RAB27B: variants seen among roughly 807,000 people sequenced by gnomAD.
The protein encoded by RAB27B is RAB27B, member RAS oncogene family.
In RAB27B, 15 loss-of-function variants were observed where a neutral mutation model predicts 24.6. That is an observed-to-expected ratio of 0.61 (90% CI 0.41 to 0.94). The LOEUF (loss-of-function observed/expected upper bound fraction) is 0.94, where lower values mean the gene tolerates loss of function less well. Ranked by LOEUF, RAB27B falls within the 40% of genes least tolerant of loss-of-function variation. RAB27B has a pLI of 0.00. For synonymous variants in RAB27B, 105 were observed against 92.5 expected (o/e 1.14, Z -0.78); for missense variants, 261 against 266.8 (o/e 0.98, Z 0.15).
chr18:54,850,333 G>GACATATATATATATATATATATAT lies in RAB27B; in HGVS notation c.-20+21634_-20+21635insCATATATATATATATATATATATA, dbSNP rs869079784. ...TATTTATTTAAAAGCAAACAAACAG[G>GACATATATATATATATATATATAT]ATATATATATATATATATATATATA... On this transcript the variant is annotated intron_variant, in intron 1 of 5. Transcript: ENST00000262094. 3.3e-3 allele frequency among the ~76,000 whole-genome samples: 315 copies of GACATATATATATATATATATATAT among 95,116 alleles called. 23 individuals are homozygous for GACATATATATATATATATATATAT. Among genetic ancestry groups the GACATATATATATATATATATATAT allele is most frequent in the South Asian group, 7.3e-3 (16 of 2,204 alleles). 62.4% of individuals were successfully genotyped at this position (95,116 alleles called of 152,430 possible).
At chr18:54,805,936 G>GT (rs1310493234) in intron 2 of RAB27B, among the ~76,000 whole-genome samples, 1 of 151,888 alleles carries the variant, frequency 6.6e-6, no homozygotes, top group African/African-American at 2.4e-5. Context: ...TTGATTACTC[G>GT]TAAGTTGAGA....
At chr18:54,860,405 A>G (rs1362142045) in intron 1 of RAB27B, among the ~76,000 whole-genome samples, 4 of 151,838 alleles carry the variant, frequency 2.6e-5, no homozygotes, top group African/African-American at 7.3e-5. Context: ...CCTGTAACCA[A>G]TGACACTCGT....
In RAB27B at chr18:54,888,125, C is replaced by A; in HGVS notation, c.467+7C>A. ...AACTGGCTGACAAATATGGGTAAGT[C>A]AGTTACACTGAGATGGCATGTGACT... On this transcript the variant is annotated splice_region_variant and intron_variant, in intron 5 of 5. Coordinates refer to ENST00000262094, the MANE Select transcript of RAB27B (RefSeq NM_004163.4). 6.2e-7 allele frequency: 1 copy of A among 1,611,984 alleles called. No individual in the cohort carries two copies. Among genetic ancestry groups the A allele is most frequent in the South Asian group, 1.1e-5 (1 of 90,694 alleles).
intron 1 of RAB27B, among the ~76,000 whole-genome samples, chr18:54,830,217 C>T (rs1245542744): frequency 1.3e-5 from 2 of 152,180 alleles, no homozygotes; most frequent in African/African-American, 4.8e-5. Flanking sequence ...GTTGGTATGC[C>T]AGTTTACACT....
At chr18:54,879,556 T>C in intron 3 of RAB27B, 102 bp downstream of exon 3, 1 of 916,208 alleles carries the variant, frequency 1.1e-6, no homozygotes, top group Non-Finnish European at 1.8e-6. Flanking sequence ...TATTCAACTC[T>C]TCTCCTGGTT....
Position 54,841,160 on chromosome 18 carries a change from GGT to G in RAB27B, c.-20+12462_-20+12463del, listed in dbSNP as rs1346415903. On this transcript the variant is annotated intron_variant, in intron 1 of 5. Coordinates refer to ENST00000262094, the MANE Select transcript of RAB27B (RefSeq NM_004163.4). The stretch of plus-strand genomic sequence containing the variant: ...AGACTCTGTCTTTGGGTGGCGGGGC[GGT>G]GGGGGGTTTGGTGAGAGGGGCGGGA... Among the ~76,000 whole-genome samples, 12 of 123,368 alleles carry G rather than the reference GGT, an allele frequency of 9.7e-5. 1 individual carries two copies. Among genetic ancestry groups the G allele is most frequent in the Non-Finnish European group, 1.6e-4 (9 of 56,436 alleles). The allele number at this position is 123,368 out of a possible 152,430, so 80.9% of individuals were successfully genotyped here.
chr18:54,868,619 G>GTTGTTGT lies in RAB27B; in HGVS notation c.-19-8943_-19-8942insGTTTGTT, dbSNP rs778510840. Among the ~76,000 whole-genome samples the GTTGTTGT allele has an allele frequency of 4.4e-4, 67 of 151,628 alleles. 1 individual carries two copies. The highest frequency in any genetic ancestry group is 8.4e-4 in the Non-Finnish European group (57 of 67,858). The stretch of plus-strand genomic sequence containing the variant: ...TCTCAGTTTCGTTGTTGTTGTTGTT[G>GTTGTTGT]TTGTTTGTTTGTTTGTTTTTTGAGA... On this transcript the variant is annotated intron_variant, in intron 1 of 5. Transcript: ENST00000262094.
intron 2 of RAB27B, among the ~76,000 whole-genome samples, chr18:54,761,743 A>G (rs2145051696): frequency 6.6e-6 from 1 of 152,330 alleles, no homozygotes; most frequent in Non-Finnish European, 1.5e-5. Flanking sequence ...TCTAAAATAG[A>G]AGCACTTGTG....
intron 2 of RAB27B, among the ~76,000 whole-genome samples, chr18:54,807,106 G>C (rs1909814561): frequency 6.6e-6 from 1 of 152,068 alleles, no homozygotes; most frequent in Non-Finnish European, 1.5e-5. Context: ...TCACCATGTT[G>C]GCTAGGATGG....
At position 54,718,576 on chromosome 18, in the gene RAB27B, C is replaced by T. The variant is rs146612492; in HGVS notation, c.-20+435C>T. ...CAGAAAGCTATTAAGTCATTTGGTG[C>T]CCCACAGTGTAAAGCCACTGAAGAG... On this transcript the variant is annotated intron_variant, in intron 2 of 4. Coordinates refer to the RAB27B transcript ENST00000586570. Among the ~76,000 whole-genome samples the T allele has an allele frequency of 4.4e-3, 672 of 152,260 alleles. 9 individuals carry two copies. The highest frequency in any genetic ancestry group is 0.015 in the African/African-American group (633 of 41,542).
intron 1 of RAB27B, among the ~76,000 whole-genome samples, chr18:54,841,195 A>G (rs1229676789): frequency 1.4e-5 from 2 of 145,148 alleles, no homozygotes; most frequent in Non-Finnish European, 3.0e-5. Context: ...GGAAAAATAC[A>G]GGTAGTCCTC....
At chr18:54,842,943 C>T (rs563391704) in intron 1 of RAB27B, among the ~76,000 whole-genome samples, 1 of 152,166 alleles carries the variant, frequency 6.6e-6, no homozygotes, top group South Asian at 2.1e-4. Context: ...TACAGGCACC[C>T]GTCACCACGC....
intron 2 of RAB27B, among the ~76,000 whole-genome samples, chr18:54,819,548 GAAAA>G (rs770260592): frequency 6.7e-5 from 8 of 120,092 alleles, no homozygotes; most frequent in South Asian, 2.7e-4. Context: ...AAAAAAAAAA[GAAAA>G]AAAAAAGAAT....
intron 2 of RAB27B, among the ~76,000 whole-genome samples, chr18:54,724,891 G>T (rs1380720167): frequency 1.3e-5 from 2 of 151,546 alleles, no homozygotes; most frequent in African/African-American, 2.4e-5. Flanking sequence ...GAACAGAATG[G>T]TTAAGAGTAA....
chr18:54,867,437 C>CTTT (rs1811799048), intron 1 of RAB27B, among the ~76,000 whole-genome samples: 4 of 54,740 alleles, frequency 7.3e-5, no homozygotes, highest in African/African-American at 1.9e-4. Context: ...CTTTTCTTTT[C>CTTT]TTTTCTTTTT....
upstream of RAB27B, among the ~76,000 whole-genome samples, chr18:54,827,432 A>G (rs1290180786): frequency 6.6e-6 from 1 of 152,254 alleles, no homozygotes; most frequent in Non-Finnish European, 1.5e-5. Flanking sequence ...ATAGTTTCAT[A>G]ATAGAATAGA....
intron 1 of RAB27B, among the ~76,000 whole-genome samples, chr18:54,844,408 C>CTTTTTGTTTTTTTTTTTTTTTT (rs1911239286): frequency 9.3e-6 from 1 of 107,880 alleles, no homozygotes; most frequent in Non-Finnish European, 1.9e-5. Flanking sequence ...CTTTTCTTTT[C>CTTTTTGTTTTTTTTTTTTTTTT]TTTTTTTTTT....
intron 1 of RAB27B, among the ~76,000 whole-genome samples, chr18:54,844,408 C>CTTTTTTTTTTTTTTTTTTTTTTTTTCTTT (rs148747981): frequency 1.9e-5 from 2 of 107,880 alleles, no homozygotes; most frequent in Non-Finnish European, 3.8e-5. Context: ...CTTTTCTTTT[C>CTTTTTTTTTTTTTTTTTTTTTTTTTCTTT]TTTTTTTTTT....
chr18:54,850,333 GATAT>G (rs35735191), intron 1 of RAB27B, among the ~76,000 whole-genome samples: 5,457 of 95,060 alleles, frequency 0.057, 514 homozygotes, highest in Non-Finnish European at 0.075. Flanking sequence ...AAACAAACAG[GATAT>G]ATATATATAT....
Sources: gnomAD v4.1 joint callset for allele counts (sites outside exome capture counted in the v4.1 genomes callset) on GRCh38, gnomAD v4.1.1 for gene constraint, MANE v1.5 for transcripts, NCBI Gene and HGNC (gene_info 2026-07-23, HGNC 2026-07-21) for gene names.